The following TACC1 variants were observed in gnomAD, a reference collection of about 807,000 sequenced individuals.
TACC1 encodes transforming acidic coiled-coil containing protein 1.
TACC1 carries 48 observed loss-of-function variants against 84.4 expected under a neutral mutation model. That is an observed-to-expected ratio of 0.57 (90% CI 0.45 to 0.72). The LOEUF (loss-of-function observed/expected upper bound fraction) is 0.72, where lower values mean the gene tolerates loss of function less well. TACC1 is among the 30% of genes least tolerant of loss of function. The probability of loss-of-function intolerance (pLI) is 0.00; values close to 1 mark genes in which losing one functional copy is unlikely to be tolerated. For missense variants in TACC1, 920 were observed against 973.0 expected, an observed-to-expected ratio of 0.95 and a Z score of 0.72; for synonymous variants, 372 against 376.3, an observed-to-expected ratio of 0.99 and a Z score of 0.13.
intron 6 of TACC1, among the ~76,000 whole-genome samples, chr8:38,834,126 T>G (rs192220866): frequency 1.3e-5 from 2 of 152,348 alleles, no homozygotes; most frequent in Admixed American, 1.3e-4. Flanking sequence ...GCAGCTTTGC[T>G]GGGTGCCTCT....
At chr8:38,813,007 ATTGT>A (rs1824580433) in intron 2 of TACC1, among the ~76,000 whole-genome samples, 1 of 152,126 alleles carries the variant, frequency 6.6e-6, no homozygotes, top group South Asian at 2.1e-4. Flanking sequence ...TCATTGCATG[ATTGT>A]TTGTTTTCTC....
intron 1 of TACC1, among the ~76,000 whole-genome samples, chr8:38,733,739 C>A (rs1805424470): frequency 6.6e-6 from 1 of 152,136 alleles, no homozygotes; most frequent in Admixed American, 6.5e-5. Context: ...CACCCCATTC[C>A]CAGCCTCTCC....
At chr8:38,828,344 C>T (rs1828559260) in intron 5 of TACC1, among the ~76,000 whole-genome samples, 1 of 152,152 alleles carries the variant, frequency 6.6e-6, no homozygotes, top group South Asian at 2.1e-4. Flanking sequence ...TTCCTCACCA[C>T]AAGGTTCATG....
At chr8:38,843,224 C>A in intron 10 of TACC1, 65 bp from the exon 11 acceptor site, 1 of 1,101,838 alleles carries the variant, frequency 9.1e-7, no homozygotes, top group South Asian at 1.8e-5. Context: ...AATGAAAACT[C>A]TGATATGTGG....
chr8:38,827,521 T>C (rs1251264515), intron 5 of TACC1, 146 bp downstream of exon 5: 2 of 806,644 alleles, frequency 2.5e-6, no homozygotes, highest in Non-Finnish European at 3.9e-6. Flanking sequence ...TTTGCTTCTT[T>C]ACCTGGAAAA....
chr8:38,784,881 G>A (rs568179901), upstream of TACC1, among the ~76,000 whole-genome samples: 1 of 152,302 alleles, frequency 6.6e-6, no homozygotes, highest in African/African-American at 2.4e-5. Flanking sequence ...TGTTATATAT[G>A]GTGTGCTAAG....
In TACC1 at chr8:38,851,782, T is replaced by C; in HGVS notation, c.*3759T>C. On this transcript the variant is annotated 3_prime_UTR_variant, in exon 13 of 13. Transcript: ENST00000317827. The stretch of plus-strand genomic sequence containing the variant: ...GATTTTAAAGTAAAGATGTATTTAT[T>C]CTGAAGAATCTAAAAGATAACAGAT... 1 of 358,628 alleles carries C rather than the reference T, an allele frequency of 2.8e-6. No homozygotes were observed. The highest frequency in any genetic ancestry group is 5.6e-6 in the Non-Finnish European group (1 of 179,058). 22.2% of individuals were successfully genotyped at this position (358,628 alleles called of 1,614,324 possible).
At chr8:38,798,479 C>T (rs1459522292) in intron 2 of TACC1, among the ~76,000 whole-genome samples, 2 of 152,066 alleles carry the variant, frequency 1.3e-5, no homozygotes, top group Admixed American at 1.3e-4. Flanking sequence ...AGCAGTGTAG[C>T]TGGTGCCCTG....
rs1019504340 is a variant in TACC1 at position 38,787,297 on chromosome 8, G to A, written c.-286G>A. 7 of 1,156,222 alleles carry A rather than the reference G, an allele frequency of 6.1e-6. No individual in the cohort carries two copies. Among genetic ancestry groups the A allele is most frequent in the African/African-American group, 1.6e-5 (1 of 61,826 alleles). 71.6% of individuals were successfully genotyped at this position (1,156,222 alleles called of 1,614,324 possible). A position where few individuals can be genotyped will look rare whatever the true frequency, so the allele number is the denominator to read the frequency against. ...AGCAGCCGGGCGCCGCGGGCCGGGG[G>A]CCTGAGGAGGCCACAGGACGGGCGT... On this transcript the variant is annotated 5_prime_UTR_variant, in exon 1 of 13. Coordinates refer to ENST00000317827, the MANE Select transcript of TACC1 (RefSeq NM_006283.3).
At chr8:38,804,938 T>C (rs1822324333) in intron 2 of TACC1, among the ~76,000 whole-genome samples, 1 of 152,256 alleles carries the variant, frequency 6.6e-6, no homozygotes, top group Non-Finnish European at 1.5e-5. Context: ...GGAGAGATTA[T>C]TGCCCTTGTT....
intron 3 of TACC1, among the ~76,000 whole-genome samples, chr8:38,781,408 G>T (rs1261969504): frequency 1.3e-5 from 2 of 149,866 alleles, no homozygotes; most frequent in Non-Finnish European, 3.0e-5. Context: ...TTGAGGCGGA[G>T]ACTTGTTCTG....
At chr8:38,800,430 C>T (rs570519205) in intron 2 of TACC1, among the ~76,000 whole-genome samples, 1 of 152,218 alleles carries the variant, frequency 6.6e-6, no homozygotes, top group African/African-American at 2.4e-5. Flanking sequence ...TCCTTCCCAC[C>T]ACCAGTCCTA....
intron 1 of TACC1, among the ~76,000 whole-genome samples, chr8:38,728,944 AT>A (rs1409677903): frequency 1.3e-5 from 2 of 152,002 alleles, no homozygotes; most frequent in Non-Finnish European, 2.9e-5. Context: ...AATATTGTGA[AT>A]CCCTGATTTT....
In TACC1 at chr8:38,808,156, A is replaced by AACTCCTTCT. The variant is rs1277275996; in HGVS notation, c.278-11364_278-11356dup. The stretch of plus-strand genomic sequence containing the variant: ...GTGCTTGTCAGAATCAAACTCATCA[A>AACTCCTTCT]ACTCCTTCTAGAGAGAGAGCCTTTC... On this transcript the variant is annotated intron_variant, in intron 2 of 12. Transcript: ENST00000317827. Among the ~76,000 whole-genome samples, 6 of 152,326 alleles carry AACTCCTTCT rather than the reference A, an allele frequency of 3.9e-5. 1 individual carries two copies. The East Asian group carries it at 1.2e-3, about 29-fold the overall frequency.
At chr8:38,749,142 T>C (rs1481205773) in intron 3 of TACC1, among the ~76,000 whole-genome samples, 1 of 152,212 alleles carries the variant, frequency 6.6e-6, no homozygotes, top group East Asian at 1.9e-4. Flanking sequence ...TCTATTGTTA[T>C]GAACAACTTT....
At position 38,842,469 on chromosome 8, in the gene TACC1, T is replaced by G. The variant is rs774069719; in HGVS notation, c.2121+22T>G. ...GAAGGTAGAGTGTTTTTTCCCTCTG[T>G]CTCCTGGTGTATTTCCAGTAGTGTA... On this transcript the variant is annotated intron_variant, in intron 10 of 12. Coordinates refer to ENST00000317827, the MANE Select transcript of TACC1 (RefSeq NM_006283.3). 55 of 1,589,788 alleles carry G rather than the reference T, an allele frequency of 3.5e-5. No individual in the cohort carries two copies. In the South Asian group the frequency reaches 3.8e-4, roughly 11 times the overall value.
rs554834391 is a variant in TACC1 at position 38,836,132 on chromosome 8, A to G, written c.1714-30A>G. The G allele has an allele frequency of 7.4e-6, 12 of 1,610,854 alleles. No individual in the cohort carries two copies. In the South Asian group the frequency reaches 1.3e-4, roughly 18 times the overall value. On this transcript the variant is annotated intron_variant, in intron 6 of 12. Coordinates refer to ENST00000317827, the MANE Select transcript of TACC1 (RefSeq NM_006283.3). ...TCTGGGGTTAAGAAGCTGAAAGCTGACAGATTCAGTGTAATCCCTTTCCCC... is the reference window on the plus strand; with the variant it reads ...TCTGGGGTTAAGAAGCTGAAAGCTGGCAGATTCAGTGTAATCCCTTTCCCC...
chr8:38,823,854 A>G, intron 3 of TACC1: 1 of 534,336 alleles, frequency 1.9e-6, no homozygotes, highest in South Asian at 1.6e-5. Context: ...GACATTTTTA[A>G]TTTGTATCTC....
chr8:38,826,029 C>T (rs944982059), intron 4 of TACC1, among the ~76,000 whole-genome samples: 32 of 152,100 alleles, frequency 2.1e-4, no homozygotes, highest in African/African-American at 7.7e-4. Flanking sequence ...CAAAACAAAG[C>T]GAAGCCCAGG....
Sources: gnomAD v4.1 joint callset for allele counts (sites outside exome capture counted in the v4.1 genomes callset) on GRCh38, gnomAD v4.1.1 for gene constraint, MANE v1.5 for transcripts, NCBI Gene and HGNC (gene_info 2026-07-23, HGNC 2026-07-21) for gene names.